The following USP12 variants were observed in gnomAD, a reference collection of about 807,000 sequenced individuals.
The protein encoded by USP12 is ubiquitin specific peptidase 12.
Under a neutral mutation model 45.5 loss-of-function variants are expected in USP12, and 19 were observed. The observed-to-expected ratio is 0.42, with a 90% CI of 0.29 to 0.61. USP12 has a LOEUF of 0.61. Ranked by LOEUF, USP12 falls within the 20% of genes least tolerant of loss-of-function variation. The probability of loss-of-function intolerance (pLI) is 0.22; values close to 1 mark genes in which losing one functional copy is unlikely to be tolerated. For synonymous variants in USP12, 149 were observed against 148.8 expected (o/e 1.00, Z -0.01); for missense variants, 242 against 447.7 (o/e 0.54, Z 4.15).
chr13:27,144,771 C>T (rs751980876), intron 1 of USP12, among the ~76,000 whole-genome samples: 3 of 149,056 alleles, frequency 2.0e-5, no homozygotes, highest in Non-Finnish European at 4.5e-5. Context: ...CCCCAGAAAT[C>T]GGGAGGAGCT....
chr13:27,133,806 GAAA>G (rs1026610906), intron 1 of USP12, among the ~76,000 whole-genome samples: 2 of 152,108 alleles, frequency 1.3e-5, no homozygotes, highest in Non-Finnish European at 2.9e-5. Flanking sequence ...ATTATATTCA[GAAA>G]AATGTCCTAA....
intron 7 of USP12, among the ~76,000 whole-genome samples, chr13:27,072,006 T>A (rs1043235489): frequency 1.3e-5 from 2 of 152,290 alleles, no homozygotes; most frequent in African/African-American, 4.8e-5. Context: ...GACCAGATAT[T>A]AGAATAAGCC....
chr13:27,144,694 A>G (rs1029910575), intron 1 of USP12, among the ~76,000 whole-genome samples: 10 of 151,710 alleles, frequency 6.6e-5, no homozygotes, highest in Non-Finnish European at 1.3e-4. Context: ...TGGTTCAAAA[A>G]AACAAAACAG....
At chr13:27,158,346 A>G (rs1194678642) in intron 1 of USP12, among the ~76,000 whole-genome samples, 1 of 152,200 alleles carries the variant, frequency 6.6e-6, no homozygotes, top group Non-Finnish European at 1.5e-5. Context: ...CTCAGAGGGA[A>G]CCAACCCTGT....
At chr13:27,167,273 TA>T (rs769771136) in intron 1 of USP12, among the ~76,000 whole-genome samples, 17 of 149,324 alleles carry the variant, frequency 1.1e-4, no homozygotes, top group East Asian at 7.7e-4. Context: ...AAAAAAAAAA[TA>T]AAATAAATAA....
intron 6 of USP12, among the ~76,000 whole-genome samples, chr13:27,086,270 C>CAT (rs1235836016): frequency 2.1e-5 from 1 of 47,990 alleles, no homozygotes; most frequent in African/African-American, 5.8e-5. Context: ...TATACATACA[C>CAT]ATATATATAA....
chr13:27,094,337 C>CA (rs1469410017), intron 4 of USP12, among the ~76,000 whole-genome samples: 2 of 151,816 alleles, frequency 1.3e-5, no homozygotes, highest in African/African-American at 4.8e-5. Context: ...GACTCTGTCT[C>CA]AAAAAAGTTT....
chr13:27,161,905 AAATTAAAAAGCCACTCATTAAC>A (rs912768042), intron 1 of USP12, among the ~76,000 whole-genome samples: 6 of 50,038 alleles, frequency 1.2e-4, no homozygotes, highest in African/African-American at 2.8e-4. Flanking sequence ...AAATAAAAAA[AAATTAAAAAGCCACTCATTAAC>A]TGTACATTTT....
intron 1 of USP12, among the ~76,000 whole-genome samples, chr13:27,165,794 G>A (rs1319703125): frequency 1.3e-5 from 2 of 152,110 alleles, no homozygotes; most frequent in Non-Finnish European, 2.9e-5. Flanking sequence ...AAAGAAAAAT[G>A]TATTTAGACT....
At chr13:27,084,728 C>T (rs576722677) in intron 6 of USP12, among the ~76,000 whole-genome samples, 1 of 152,132 alleles carries the variant, frequency 6.6e-6, no homozygotes, top group Admixed American at 6.6e-5. Flanking sequence ...ATTTCTGGGT[C>T]ATTTTGTTCC....
intron 1 of USP12, among the ~76,000 whole-genome samples, chr13:27,158,316 AAG>A (rs1325722766): frequency 1.3e-5 from 2 of 152,206 alleles, no homozygotes; most frequent in Non-Finnish European, 2.9e-5. Flanking sequence ...TAGAAAATGG[AAG>A]AGAGTCTCCT....
Position 27,171,599 on chromosome 13 carries a change from C to G in USP12, c.41G>C (p.Cys14Ser), listed in dbSNP as rs542667276. The G allele has an allele frequency of 1.6e-6, 2 of 1,281,002 alleles. No homozygotes were observed. The highest frequency in any genetic ancestry group is 2.6e-5 in the South Asian group (2 of 76,264). 79.4% of individuals were successfully genotyped at this position (1,281,002 alleles called of 1,614,324 possible). Residue 14 changes from cysteine to serine, a missense_variant, in exon 1 of 9, where the codon TGT becomes TCT. Cys to Ser is a moderately radical substitution (Grantham distance 112, BLOSUM62 -1). Coordinates refer to ENST00000282344, the MANE Select transcript of USP12 (RefSeq NM_182488.4). The part of the protein sequence containing the change: ...LMTVSKFASI[C>S]TMGANASALE... ...CCGCTCGCCGCCACCTACCATGGTA[C>G]AGATGGAGGCGAATTTGGAGACTGT... is the stretch of plus-strand genomic sequence containing the variant.
intron 4 of USP12, among the ~76,000 whole-genome samples, chr13:27,093,053 G>A (rs957075789): frequency 1.2e-4 from 19 of 152,046 alleles, no homozygotes; most frequent in South Asian, 4.2e-4. Flanking sequence ...AAAATTAGCC[G>A]GGCGTGGTGG....
intron 7 of USP12, among the ~76,000 whole-genome samples, chr13:27,071,556 C>A (rs1873247381): frequency 6.6e-6 from 1 of 152,032 alleles, no homozygotes. Context: ...AGTCTCACTC[C>A]CTTGGTAATG....
intron 1 of USP12, chr13:27,162,789 G>A (rs1878168730): frequency 6.6e-6 from 1 of 152,120 alleles, no homozygotes. Flanking sequence ...TGAACTAGAA[G>A]AGCTTATTTC....
chr13:27,133,990 G>A (rs1876662303), intron 1 of USP12, among the ~76,000 whole-genome samples: 1 of 152,098 alleles, frequency 6.6e-6, no homozygotes, highest in African/African-American at 2.4e-5. Flanking sequence ...AAAAACATCA[G>A]CTGGGCATGC....
At chr13:27,164,389 C>T (rs1192394113) in intron 1 of USP12, among the ~76,000 whole-genome samples, 1 of 152,226 alleles carries the variant, frequency 6.6e-6, no homozygotes. Flanking sequence ...AGCAAGCTTA[C>T]ACATCTCTTC....
intron 2 of USP12, among the ~76,000 whole-genome samples, chr13:27,106,468 G>A (rs1338507155): frequency 6.6e-6 from 1 of 152,094 alleles, no homozygotes; most frequent in Non-Finnish European, 1.5e-5. Context: ...TCATAAATAT[G>A]TATTGCCTTC....
chr13:27,131,826 G>A (rs985197130), intron 1 of USP12, among the ~76,000 whole-genome samples: 1 of 152,116 alleles, frequency 6.6e-6, no homozygotes, highest in East Asian at 1.9e-4. Flanking sequence ...ACCCATTAAC[G>A]GTTTTAGTTC....
Sources: allele counts gnomAD v4.1 joint callset (sites outside exome capture counted in the v4.1 genomes callset), GRCh38; gene constraint gnomAD v4.1.1; transcripts MANE v1.5; gene names NCBI Gene and HGNC (gene_info 2026-07-23, HGNC 2026-07-21).